SBF2: variants seen among roughly 807,000 people sequenced by gnomAD.
SBF2 encodes myotubularin-related protein 13.
SBF2 carries 112 observed loss-of-function variants against 225.2 expected under a neutral mutation model. The ratio of observed to expected loss-of-function variants is 0.50; its 90% CI spans 0.43 to 0.58. The LOEUF is 0.58. Ranked by LOEUF, SBF2 falls within the 20% of genes least tolerant of loss-of-function variation. The probability of loss-of-function intolerance (pLI) is 0.00; values close to 1 mark genes in which losing one functional copy is unlikely to be tolerated. For synonymous variants in SBF2, 763 were observed against 773.3 expected, an observed-to-expected ratio of 0.99 and a Z score of 0.22; for missense variants, 1,996 against 2,206.2, an observed-to-expected ratio of 0.90 and a Z score of 1.91.
intron 2 of SBF2, 21 bp downstream of exon 2, chr11:10,193,881 A>G (rs1957272161): frequency 1.0e-5 from 15 of 1,493,488 alleles, no homozygotes; most frequent in Non-Finnish European, 1.4e-5. Flanking sequence ...ATAAATATGC[A>G]ATAATACAAC....
chr11:10,063,948 T>G (rs927146746), intron 2 of SBF2, among the ~76,000 whole-genome samples: 1 of 150,686 alleles, frequency 6.6e-6, no homozygotes, highest in Admixed American at 6.6e-5. Context: ...TAACAGGAAT[T>G]AAGGCGTCGG....
At chr11:10,145,848 C>T (rs1180144029) in intron 2 of SBF2, among the ~76,000 whole-genome samples, 1 of 152,170 alleles carries the variant, frequency 6.6e-6, no homozygotes, top group African/African-American at 2.4e-5. Flanking sequence ...CCAAAAGTTC[C>T]TTCAGCTGAT....
At chr11:9,893,721 A>C (rs560893961) in intron 17 of SBF2, among the ~76,000 whole-genome samples, 1 of 152,284 alleles carries the variant, frequency 6.6e-6, no homozygotes, top group Non-Finnish European at 1.5e-5. Context: ...ACTGCTTGCC[A>C]GTTCTGGTCT....
chr11:10,094,795 G>A (rs1280759764), intron 2 of SBF2, among the ~76,000 whole-genome samples: 4 of 151,740 alleles, frequency 2.6e-5, no homozygotes, highest in South Asian at 4.2e-4. Context: ...ATGAGCCACC[G>A]TCCCTGGCCC....
intron 28 of SBF2, among the ~76,000 whole-genome samples, chr11:9,820,140 T>A (rs1854669338): frequency 6.6e-6 from 1 of 152,184 alleles, no homozygotes; most frequent in Non-Finnish European, 1.5e-5. Flanking sequence ...GCAAACAAAT[T>A]GCTCAAGTCA....
chr11:9,803,846 A>AGAT (rs541803378), intron 32 of SBF2, among the ~76,000 whole-genome samples: 143 of 151,466 alleles, frequency 9.4e-4, no homozygotes, highest in African/African-American at 3.1e-3. Context: ...AATTTTTGAA[A>AGAT]GATGGAAAAT....
chr11:9,868,462 G>T (rs1054860801), intron 17 of SBF2, among the ~76,000 whole-genome samples: 1 of 151,330 alleles, frequency 6.6e-6, no homozygotes, highest in Non-Finnish European at 1.5e-5. Flanking sequence ...AGCTTGCAGT[G>T]AACTGAGATT....
At chr11:9,929,440 C>A (rs982790133) in intron 16 of SBF2, among the ~76,000 whole-genome samples, 6 of 152,108 alleles carry the variant, frequency 3.9e-5, no homozygotes, top group African/African-American at 1.4e-4. Flanking sequence ...AAAGCGCTTC[C>A]CAAAGCCAAA....
intron 16 of SBF2, among the ~76,000 whole-genome samples, chr11:9,936,631 G>T (rs1304243768): frequency 6.6e-6 from 1 of 152,136 alleles, no homozygotes; most frequent in Non-Finnish European, 1.5e-5. Context: ...CCATAAAAAA[G>T]GATGAGTTCA....
chr11:10,196,866 AT>A lies in SBF2; in HGVS notation c.56-2880del, dbSNP rs1555073581. On this transcript the variant is annotated intron_variant, in intron 1 of 39. Transcript: ENST00000256190. The stretch of plus-strand genomic sequence containing the variant: ...TATATATATATATATATATATATAT[AT>A]TTTTTTTTTCCTACAAAATGAATAC... Among the ~76,000 whole-genome samples, 79 of 99,310 alleles carry A rather than the reference AT, an allele frequency of 8.0e-4. 2 individuals are homozygous for A. Among genetic ancestry groups the A allele is most frequent in the African/African-American group, 2.9e-3 (73 of 24,796 alleles). The allele number at this position is 99,310 out of a possible 152,430, so 65.2% of individuals were successfully genotyped here.
At chr11:10,298,623 C>T (rs1156725399), upstream of SBF2, among the ~76,000 whole-genome samples, 1 of 152,192 alleles carries the variant, frequency 6.6e-6, no homozygotes, top group East Asian at 1.9e-4. Flanking sequence ...TCGTCTCTAC[C>T]AAAGCATAAC....
At chr11:9,832,635 C>A (rs1405092202) in intron 26 of SBF2, among the ~76,000 whole-genome samples, 1 of 152,052 alleles carries the variant, frequency 6.6e-6, no homozygotes, top group Non-Finnish European at 1.5e-5. Context: ...GAGACAGGGT[C>A]TCACTTTGTT....
intron 2 of SBF2, among the ~76,000 whole-genome samples, chr11:10,133,236 G>A (rs192268852): frequency 0.013 from 1,933 of 149,578 alleles, 172 homozygotes; most frequent in African/African-American, 0.044. Context: ...AGCCCAGCTG[G>A]CTTCACCTAG....
intron 16 of SBF2, chr11:9,929,183 T>C (rs972785095): frequency 5.0e-6 from 1 of 199,674 alleles, no homozygotes; most frequent in African/African-American, 2.3e-5. Context: ...CCATTGACCA[T>C]TCTATGGTCA....
chr11:9,912,737 T>G (rs541139552), intron 16 of SBF2, among the ~76,000 whole-genome samples: 5 of 152,314 alleles, frequency 3.3e-5, no homozygotes, highest in Admixed American at 2.0e-4. Flanking sequence ...TTTTAAAAAA[T>G]TAGTTTGCCT....
intron 17 of SBF2, among the ~76,000 whole-genome samples, chr11:9,859,179 C>T (rs1424160589): frequency 6.6e-6 from 1 of 152,056 alleles, no homozygotes; most frequent in Non-Finnish European, 1.5e-5. Flanking sequence ...GTTCCAAAAC[C>T]CCTGCTCTTT....
At chr11:10,085,705 T>G (rs541081605) in intron 2 of SBF2, among the ~76,000 whole-genome samples, 1 of 152,298 alleles carries the variant, frequency 6.6e-6, no homozygotes, top group African/African-American at 2.4e-5. Context: ...TAGCAGCAGA[T>G]TTCTCCATAT....
At chr11:10,115,962 T>C (rs7111072) in intron 2 of SBF2, among the ~76,000 whole-genome samples, 72,515 of 151,792 alleles carry the variant, frequency 0.48, 17,629 homozygotes, top group Admixed American at 0.57. Context: ...GTCAGGAGAT[T>C]GAGACCATCC....
chr11:10,227,937 T>G (rs573688110), intron 1 of SBF2, among the ~76,000 whole-genome samples: 24 of 151,788 alleles, frequency 1.6e-4, no homozygotes, highest in East Asian at 9.6e-4. Flanking sequence ...ACGATATTGA[T>G]TCTTCCTACC....
Sources: allele counts gnomAD v4.1 joint callset (sites outside exome capture counted in the v4.1 genomes callset), GRCh38; gene constraint gnomAD v4.1.1; transcripts MANE v1.5; gene names NCBI Gene and HGNC (gene_info 2026-07-23, HGNC 2026-07-21).